Variants in TRIO observed in about 807,000 individuals in gnomAD.
The protein encoded by TRIO is trio Rho guanine nucleotide exchange factor.
In TRIO, 58 loss-of-function variants were observed where a neutral mutation model predicts 351.9. The observed-to-expected ratio is 0.16, with a 90% CI of 0.13 to 0.21. The LOEUF (loss-of-function observed/expected upper bound fraction) is 0.21, where lower values mean the gene tolerates loss of function less well. Among genes scored for constraint, TRIO ranks in the 10% least tolerant of loss-of-function variants. TRIO has a pLI of 1.00. For missense variants in TRIO, 3,201 were observed against 4,027.8 expected (o/e 0.79, Z 5.56); for synonymous variants, 1,758 against 1,595.7 (o/e 1.10, Z -2.42).
intron 2 of TRIO, among the ~76,000 whole-genome samples, chr5:14,274,993 C>T (rs143246010): frequency 0.015 from 2,297 of 152,210 alleles, 27 homozygotes; most frequent in Non-Finnish European, 0.02. Flanking sequence ...CTAGGCATAT[C>T]CACCGGGTGG....
chr5:14,492,344 C>T (rs1469697431), intron 48 of TRIO: 18 of 590,860 alleles, frequency 3.0e-5, no homozygotes, highest in Non-Finnish European at 4.4e-5. Context: ...TTTTTAAGAG[C>T]GTCCCTAAAT....
intron 1 of TRIO, among the ~76,000 whole-genome samples, chr5:14,206,449 G>A (rs963219113): frequency 6.6e-6 from 1 of 152,204 alleles, no homozygotes; most frequent in African/African-American, 2.4e-5. Flanking sequence ...TTGTCTTGAG[G>A]ACTTTGCATC....
intron 53 of TRIO, among the ~76,000 whole-genome samples, chr5:14,500,912 AACAC>A (rs1379192678): frequency 1.4e-5 from 2 of 140,968 alleles, no homozygotes; most frequent in Non-Finnish European, 3.1e-5. Context: ...AAAAAAAAAA[AACAC>A]ACAGGGAAAA....
chr5:14,361,659 T>C (rs952049552), intron 13 of TRIO, among the ~76,000 whole-genome samples: 1 of 152,226 alleles, frequency 6.6e-6, no homozygotes, highest in Admixed American at 6.5e-5. Flanking sequence ...TGTGTTTCAA[T>C]TGGAGTAGCG....
chr5:14,367,140 T>C (rs1329257946), intron 16 of TRIO, among the ~76,000 whole-genome samples, 161 bp downstream of exon 16: 2 of 151,988 alleles, frequency 1.3e-5, no homozygotes, highest in Non-Finnish European at 2.9e-5. Context: ...CTGCAGCTGA[T>C]TACAGGAAAG....
intron 1 of TRIO, among the ~76,000 whole-genome samples, chr5:14,249,120 G>A (rs1794602283): frequency 6.6e-6 from 1 of 152,214 alleles, no homozygotes; most frequent in Non-Finnish European, 1.5e-5. Context: ...CTGACTTGTC[G>A]GTTTTTCAGA....
In TRIO at chr5:14,388,696, T is replaced by G; in HGVS notation, c.3948+17T>G. The G allele has an allele frequency of 1.2e-6, 2 of 1,602,106 alleles. No homozygotes were observed. Among genetic ancestry groups the G allele is most frequent in the African/African-American group, 1.4e-5 (1 of 73,634 alleles). ...TGTATGGATGTAAGTAAGTTTTTTT[T>G]TTTTTTTTTTGCTTGTTTATTTAGA... On this transcript the variant is annotated intron_variant, in intron 24 of 56. Coordinates refer to ENST00000344204, the MANE Select transcript of TRIO (RefSeq NM_007118.4).
intron 27 of TRIO, among the ~76,000 whole-genome samples, chr5:14,391,429 A>G (rs1198473732): frequency 1.3e-5 from 2 of 152,240 alleles, no homozygotes; most frequent in East Asian, 3.8e-4. Flanking sequence ...TGATGTTACG[A>G]ATTTTCAAAA....
At position 14,143,735 on chromosome 5, in the gene TRIO, A is replaced by AGCG. The variant is rs1249480688; in HGVS notation, c.12_13insGGC (p.Ser4_Ser5insGly). 4.7e-5 allele frequency: 46 copies of AGCG among 978,864 alleles called. No homozygotes were observed. The highest frequency in any genetic ancestry group is 5.2e-4 in the Middle Eastern group (1 of 1,934). The allele number at this position is 978,864 out of a possible 1,614,324, so 60.6% of individuals were successfully genotyped here. A position where few individuals can be genotyped will look rare whatever the true frequency, so the allele number is the denominator to read the frequency against. ...GGGCGCCGCCGCAGCCATGAGCGGCAGCAGCGGCGGAGCCGCCGCCCCCGC... is the reference window on the plus strand; with the variant it reads ...GGGCGCCGCCGCAGCCATGAGCGGCAGCGGCAGCGGCGGAGCCGCCGCCCCCGC... On this transcript the variant is annotated inframe_insertion, in exon 1 of 57. Coordinates refer to ENST00000344204, the MANE Select transcript of TRIO (RefSeq NM_007118.4).
At chr5:14,334,665 C>A (rs920944315) in intron 10 of TRIO, among the ~76,000 whole-genome samples, 1 of 152,328 alleles carries the variant, frequency 6.6e-6, no homozygotes, top group Non-Finnish European at 1.5e-5. Flanking sequence ...GCTTGCTACA[C>A]CGTTAGCTTC....
At chr5:14,328,387 A>G (rs1375284451) in intron 9 of TRIO, among the ~76,000 whole-genome samples, 1 of 152,256 alleles carries the variant, frequency 6.6e-6, no homozygotes, top group African/African-American at 2.4e-5. Context: ...TGTGCACTCA[A>G]TGCACTAGTT....
At chr5:14,241,426 A>G (rs568577645) in intron 1 of TRIO, among the ~76,000 whole-genome samples, 1 of 152,360 alleles carries the variant, frequency 6.6e-6, no homozygotes, top group Non-Finnish European at 1.5e-5. Flanking sequence ...TAGTAAAGCA[A>G]GCTAGTGAAT....
chr5:14,214,023 C>A (rs1180897825), intron 1 of TRIO, among the ~76,000 whole-genome samples: 1 of 152,178 alleles, frequency 6.6e-6, no homozygotes, highest in Non-Finnish European at 1.5e-5. Context: ...ATTATCTTAC[C>A]TGACTACAAG....
intron 34 of TRIO, among the ~76,000 whole-genome samples, chr5:14,426,588 A>G (rs539410879): frequency 1.3e-5 from 2 of 152,330 alleles, no homozygotes; most frequent in Non-Finnish European, 2.9e-5. Context: ...ATGATTGCAG[A>G]TACACTGTTG....
intron 11 of TRIO, among the ~76,000 whole-genome samples, chr5:14,349,276 ATGTGTGTACGCACGTGAGCATGTG>A (rs1561374545): frequency 1.2e-5 from 1 of 84,940 alleles, no homozygotes; most frequent in African/African-American, 4.6e-5. Flanking sequence ...TCCTGTGTGT[ATGTGTGTACGCACGTGAGCATGTG>A]TTTTTCCTGT....
At chr5:14,477,146 C>T (rs772611260) in intron 41 of TRIO, 183 bp downstream of exon 41, 3 of 568,930 alleles carry the variant, frequency 5.3e-6, no homozygotes, top group Non-Finnish European at 3.0e-6. Flanking sequence ...TACCTGCTTT[C>T]CCAGTCACCT....
At chr5:14,446,260 C>T (rs1039837965) in intron 34 of TRIO, among the ~76,000 whole-genome samples, 2 of 152,152 alleles carry the variant, frequency 1.3e-5, no homozygotes, top group African/African-American at 2.4e-5. Context: ...TCTTAGAAAG[C>T]CGCCTTCTCC....
rs1468204313 is a variant in TRIO, at chr5:14,459,071, C to A, written c.5204-1948C>A. On this transcript the variant is annotated intron_variant, in intron 34 of 56. Transcript: ENST00000344204. Reference sequence around the variant, plus strand: ...ATGGGTTCTGAACCAGAGTTTGCCTCTGAGAAAAATCTGGATTTTGAAGAA... The same window carrying A: ...ATGGGTTCTGAACCAGAGTTTGCCTATGAGAAAAATCTGGATTTTGAAGAA... Among the ~76,000 whole-genome samples, 3 of 152,168 alleles carry A rather than the reference C, an allele frequency of 2.0e-5. No homozygotes were observed. The East Asian group carries it at 5.8e-4, about 29-fold the overall frequency.
At chr5:14,325,434 C>T (rs979697098) in intron 9 of TRIO, among the ~76,000 whole-genome samples, 7 of 152,172 alleles carry the variant, frequency 4.6e-5, no homozygotes, top group East Asian at 1.9e-4. Context: ...GAACACACGG[C>T]GAGAGAGAAG....
Sources: gnomAD v4.1 joint callset for allele counts (sites outside exome capture counted in the v4.1 genomes callset) on GRCh38, gnomAD v4.1.1 for gene constraint, MANE v1.5 for transcripts, NCBI Gene and HGNC (gene_info 2026-07-23, HGNC 2026-07-21) for gene names.